The following NYAP2 variants were observed in gnomAD, a reference collection of about 807,000 sequenced individuals.
The protein encoded by NYAP2 is neuronal tyrosine-phosphorylated phosphoinositide-3-kinase adaptor 2.
In NYAP2, 23 loss-of-function variants were observed where a neutral mutation model predicts 50.4. The ratio of observed to expected loss-of-function variants is 0.46; its 90% CI spans 0.33 to 0.65. The LOEUF is 0.65. NYAP2 is among the 30% of genes least tolerant of loss of function. The pLI, the probability that NYAP2 is intolerant of heterozygous loss-of-function variation, is 0.02. For missense variants in NYAP2, 885 were observed against 861.0 expected, an observed-to-expected ratio of 1.03 and a Z score of -0.35; for synonymous variants, 394 against 365.2, an observed-to-expected ratio of 1.08 and a Z score of -0.90.
At chr2:225,520,789 G>A (rs1377425194) in intron 4 of NYAP2, among the ~76,000 whole-genome samples, 1 of 152,182 alleles carries the variant, frequency 6.6e-6, no homozygotes, top group Non-Finnish European at 1.5e-5. Flanking sequence ...CTTTAAAGTA[G>A]TTTTTTCCAA....
chr2:225,678,703 C>A, the NYAP2 span, among the ~76,000 whole-genome samples: 4 of 152,060 alleles, frequency 2.6e-5, no homozygotes, highest in African/African-American at 9.7e-5. Context: ...GATAAGGTAT[C>A]AGATACAAGG....
chr2:225,484,734 G>T, intron 3 of NYAP2, among the ~76,000 whole-genome samples: 1 of 152,200 alleles, frequency 6.6e-6, no homozygotes. Context: ...GCTAATCTCT[G>T]CTCTAAAATT....
the NYAP2 span, among the ~76,000 whole-genome samples, chr2:225,664,685 G>A: frequency 3.3e-5 from 5 of 151,214 alleles, no homozygotes; most frequent in African/African-American, 1.2e-4. Context: ...TCATCCTGGC[G>A]AACATGGTGA....
At chr2:225,650,047 T>C (rs1281234607) in intron 6 of NYAP2, among the ~76,000 whole-genome samples, 2 of 152,258 alleles carry the variant, frequency 1.3e-5, no homozygotes, top group Admixed American at 1.3e-4. Context: ...TGAAGCATTG[T>C]TGAATAGGTG....
intron 3 of NYAP2, among the ~76,000 whole-genome samples, chr2:225,502,245 C>T (rs571622282): frequency 1.4e-4 from 22 of 152,046 alleles, no homozygotes; most frequent in South Asian, 1.2e-3. Flanking sequence ...CAAAGCCGAG[C>T]GGTAGAGATG....
the NYAP2 span, among the ~76,000 whole-genome samples, chr2:225,663,192 C>T: frequency 1.3e-5 from 2 of 152,120 alleles, no homozygotes; most frequent in African/African-American, 4.8e-5. Flanking sequence ...GGGGCCACTC[C>T]AGCATCTTTA....
chr2:225,524,772 A>G (rs908022541), intron 4 of NYAP2, among the ~76,000 whole-genome samples: 2 of 152,206 alleles, frequency 1.3e-5, no homozygotes, highest in Non-Finnish European at 2.9e-5. Flanking sequence ...AAGCTTTTAC[A>G]CAGCAAAAGA....
intron 5 of NYAP2, among the ~76,000 whole-genome samples, chr2:225,607,708 G>C (rs1337050223): frequency 6.8e-6 from 1 of 146,420 alleles, no homozygotes; most frequent in Non-Finnish European, 1.5e-5. Context: ...TTTATCAAAA[G>C]AACCATGAAG....
intron 3 of NYAP2, among the ~76,000 whole-genome samples, chr2:225,482,570 G>A (rs142197787): frequency 2.6e-5 from 4 of 152,038 alleles, no homozygotes; most frequent in African/African-American, 2.4e-5. Context: ...TTTCCCGAAG[G>A]CTTCTGAAAT....
At chr2:225,453,089 A>T (rs1049269211) in intron 3 of NYAP2, among the ~76,000 whole-genome samples, 1 of 152,208 alleles carries the variant, frequency 6.6e-6, no homozygotes, top group African/African-American at 2.4e-5. Context: ...TGAATTCTAG[A>T]TGCAACTCAG....
chr2:225,419,777 T>G (rs1372053256), intron 3 of NYAP2, among the ~76,000 whole-genome samples: 1 of 152,200 alleles, frequency 6.6e-6, no homozygotes, highest in African/African-American at 2.4e-5. Context: ...AATGTGACTA[T>G]CTCAATAACA....
intron 4 of NYAP2, among the ~76,000 whole-genome samples, chr2:225,572,184 C>A (rs1692084974): frequency 6.6e-6 from 1 of 152,210 alleles, no homozygotes; most frequent in South Asian, 2.1e-4. Flanking sequence ...TTCCTTTCTT[C>A]TTCCAAGCCC....
the NYAP2 span, among the ~76,000 whole-genome samples, chr2:225,680,944 T>C: frequency 6.6e-6 from 1 of 152,178 alleles, no homozygotes; most frequent in African/African-American, 2.4e-5. Flanking sequence ...TATAGCTATA[T>C]AAAAAAATTA....
chr2:225,657,102 C>CTTTTTTTTTTTTTT (rs375126014), downstream of NYAP2, among the ~76,000 whole-genome samples: 1 of 101,074 alleles, frequency 9.9e-6, no homozygotes, highest in Non-Finnish European at 1.9e-5. Context: ...AATCTAATTC[C>CTTTTTTTTTTTTTT]TTTTTTTTTT....
chr2:225,406,552 C>A (rs1284136447), intron 2 of NYAP2, among the ~76,000 whole-genome samples: 1 of 151,732 alleles, frequency 6.6e-6, no homozygotes, highest in Non-Finnish European at 1.5e-5. Flanking sequence ...AACACGTGCT[C>A]AACAAATACT....
At chr2:225,400,026 T>C (rs1280293723) in exon 1 of NYAP2, 1 of 152,084 alleles carries the variant, frequency 6.6e-6, no homozygotes, top group Non-Finnish European at 1.5e-5. Flanking sequence ...AGAGAGGTTC[T>C]GTTGCCTAGA....
chr2:225,624,380 G>A (rs1055726780), intron 5 of NYAP2, among the ~76,000 whole-genome samples: 1 of 152,226 alleles, frequency 6.6e-6, no homozygotes, highest in South Asian at 2.1e-4. Flanking sequence ...TTGGTTAAAG[G>A]TGTATATTTA....
chr2:225,488,851 A>G (rs1363007950), intron 3 of NYAP2, among the ~76,000 whole-genome samples: 1 of 152,188 alleles, frequency 6.6e-6, no homozygotes, highest in Non-Finnish European at 1.5e-5. Context: ...TTCTTCTACA[A>G]TGGTTGGTGA....
intron 4 of NYAP2, among the ~76,000 whole-genome samples, chr2:225,527,467 A>G (rs1334662595): frequency 6.6e-6 from 1 of 152,220 alleles, no homozygotes; most frequent in Non-Finnish European, 1.5e-5. Context: ...TCTCAAGCTT[A>G]CATAGTTGTT....
Sources: gnomAD v4.1 joint callset for allele counts (sites outside exome capture counted in the v4.1 genomes callset) on GRCh38, gnomAD v4.1.1 for gene constraint, MANE v1.5 for transcripts, NCBI Gene and HGNC (gene_info 2026-07-23, HGNC 2026-07-21) for gene names.